NEGR1: variants seen among roughly 807,000 people sequenced by gnomAD.
NEGR1 encodes neuronal growth regulator 1.
Under a neutral mutation model 40.9 loss-of-function variants are expected in NEGR1, and 10 were observed. That is an observed-to-expected ratio of 0.24 (90% confidence interval 0.15 to 0.42). NEGR1 has a LOEUF of 0.42. Ranked by LOEUF, NEGR1 falls within the 10% of genes least tolerant of loss-of-function variation. The pLI is 1.00. For missense variants in NEGR1, 352 were observed against 438.9 expected, an observed-to-expected ratio of 0.80 and a Z score of 1.77; for synonymous variants, 185 against 166.8, an observed-to-expected ratio of 1.11 and a Z score of -0.84.
intron 2 of NEGR1, among the ~76,000 whole-genome samples, chr1:71,852,936 G>C (rs1659653230): frequency 6.6e-6 from 1 of 152,064 alleles, no homozygotes; most frequent in South Asian, 2.1e-4. Context: ...AATAGAAATA[G>C]GACAAACCAA....
chr1:72,230,328 C>A (rs34229016), intron 1 of NEGR1, among the ~76,000 whole-genome samples: 167 of 152,166 alleles, frequency 1.1e-3, no homozygotes, highest in Admixed American at 2.0e-3. Context: ...TTATTTTCAA[C>A]TAATATCTAA....
At chr1:72,080,929 T>C (rs770133365) in intron 1 of NEGR1, among the ~76,000 whole-genome samples, 1 of 151,482 alleles carries the variant, frequency 6.6e-6, no homozygotes, top group South Asian at 2.1e-4. Flanking sequence ...AATGAATGAA[T>C]GAACGAATGA....
At chr1:71,877,878 T>C (rs1660476516) in intron 2 of NEGR1, among the ~76,000 whole-genome samples, 1 of 152,162 alleles carries the variant, frequency 6.6e-6, no homozygotes, top group South Asian at 2.1e-4. Context: ...TAGTCCTTGA[T>C]GGAGGTGATC....
chr1:71,995,601 C>T lies in NEGR1; in HGVS notation c.177-60290G>A, dbSNP rs185084489. Among the ~76,000 whole-genome samples the T allele has an allele frequency of 1.8e-3, 278 of 152,240 alleles. 2 individuals carry two copies. Among genetic ancestry groups the T allele is most frequent in the African/African-American group, 6.6e-3 (276 of 41,556 alleles). ...GAAATTTGTCTATTCCGAAGTATCA[C>T]TACAATAATTTAAATACATCTCAAT... On this transcript the variant is annotated intron_variant, in intron 1 of 6. Coordinates refer to ENST00000357731, the MANE Select transcript of NEGR1 (RefSeq NM_173808.3).
At chr1:72,135,975 A>T (rs1449888626) in intron 1 of NEGR1, among the ~76,000 whole-genome samples, 1 of 152,196 alleles carries the variant, frequency 6.6e-6, no homozygotes, top group Non-Finnish European at 1.5e-5. Flanking sequence ...AATGTGCCCA[A>T]CAGACTTTAA....
intron 1 of NEGR1, among the ~76,000 whole-genome samples, chr1:71,964,039 G>C (rs1646190267): frequency 6.6e-6 from 1 of 152,046 alleles, no homozygotes; most frequent in Non-Finnish European, 1.5e-5. Context: ...AATATACCTT[G>C]AATTGAAAGT....
At chr1:71,866,788 C>A (rs996121134) in intron 2 of NEGR1, among the ~76,000 whole-genome samples, 1 of 151,986 alleles carries the variant, frequency 6.6e-6, no homozygotes, top group African/African-American at 2.4e-5. Flanking sequence ...TATAAATAAA[C>A]GTGGTAAGAA....
intron 1 of NEGR1, among the ~76,000 whole-genome samples, chr1:72,194,684 G>T (rs1354874294): frequency 1.3e-5 from 2 of 151,990 alleles, no homozygotes; most frequent in African/African-American, 4.8e-5. Flanking sequence ...AAAGGATTTT[G>T]GGAAATTGAA....
At chr1:71,783,511 C>A (rs1412856250) in intron 2 of NEGR1, among the ~76,000 whole-genome samples, 1 of 152,090 alleles carries the variant, frequency 6.6e-6, no homozygotes, top group Non-Finnish European at 1.5e-5. Context: ...TCAGAGATTT[C>A]TATTGCTTCT....
chr1:71,989,111 G>T (rs1425446856), intron 1 of NEGR1, among the ~76,000 whole-genome samples: 3 of 151,950 alleles, frequency 2.0e-5, no homozygotes, highest in Non-Finnish European at 4.4e-5. Context: ...AATGCCTCCG[G>T]GTTGGTGCTA....
intron 1 of NEGR1, among the ~76,000 whole-genome samples, chr1:72,009,524 A>AT (rs1471548820): frequency 2.6e-5 from 4 of 152,066 alleles, no homozygotes; most frequent in Admixed American, 2.0e-4. Flanking sequence ...CGATCTTAAG[A>AT]TAAAAAAAAA....
chr1:72,004,416 C>T (rs1646587528), intron 1 of NEGR1, among the ~76,000 whole-genome samples: 1 of 152,132 alleles, frequency 6.6e-6, no homozygotes, highest in African/African-American at 2.4e-5. Flanking sequence ...AAACTTCAGC[C>T]TCCTGAGTAT....
At chr1:71,681,108 G>C (rs150004965) in intron 4 of NEGR1, among the ~76,000 whole-genome samples, 1 of 152,220 alleles carries the variant, frequency 6.6e-6, no homozygotes, top group East Asian at 1.9e-4. Flanking sequence ...TGATTATCAA[G>C]TCTGTGAACA....
chr1:71,754,824 T>C (rs553986518), intron 3 of NEGR1, among the ~76,000 whole-genome samples: 1 of 152,304 alleles, frequency 6.6e-6, no homozygotes, highest in East Asian at 1.9e-4. Flanking sequence ...TAAACCCCTC[T>C]CCTCTCTGAG....
chr1:71,745,622 G>A (rs1372150497), intron 3 of NEGR1, among the ~76,000 whole-genome samples: 1 of 152,036 alleles, frequency 6.6e-6, no homozygotes, highest in Non-Finnish European at 1.5e-5. Flanking sequence ...TAAAAATTTT[G>A]GGAAAGTTTC....
chr1:71,953,721 A>T (rs1368549868), intron 1 of NEGR1, among the ~76,000 whole-genome samples: 1 of 151,888 alleles, frequency 6.6e-6, no homozygotes, highest in East Asian at 1.9e-4. Context: ...TGCAACCACC[A>T]CTCTGACCAG....
chr1:71,831,641 G>A (rs1014468186), intron 2 of NEGR1, among the ~76,000 whole-genome samples: 3 of 151,918 alleles, frequency 2.0e-5, no homozygotes, highest in Admixed American at 6.6e-5. Flanking sequence ...ACAGCACAAT[G>A]CAATAGTTGC....
intron 2 of NEGR1, among the ~76,000 whole-genome samples, chr1:71,926,402 C>T (rs1256111616): frequency 1.3e-5 from 2 of 151,664 alleles, no homozygotes. Context: ...TGACCACAAG[C>T]TGTATAATTA....
chr1:72,266,694 AGT>A (rs1161377457), intron 1 of NEGR1, among the ~76,000 whole-genome samples: 2 of 143,332 alleles, frequency 1.4e-5, no homozygotes, highest in Non-Finnish European at 3.1e-5. Flanking sequence ...AAATGTACCA[AGT>A]GTGTGTGTAT....
Sources: gnomAD v4.1 joint callset for allele counts (sites outside exome capture counted in the v4.1 genomes callset) on GRCh38, gnomAD v4.1.1 for gene constraint, MANE v1.5 for transcripts, NCBI Gene and HGNC (gene_info 2026-07-23, HGNC 2026-07-21) for gene names.